Variants in TMEM131L observed in about 807,000 individuals in gnomAD.
The protein encoded by TMEM131L is transmembrane protein 131-like.
A neutral mutation model predicts 192.2 loss-of-function variants in TMEM131L; 54 were observed. The observed-to-expected ratio is 0.28, with a 90% confidence interval of 0.23 to 0.35. The LOEUF (loss-of-function observed/expected upper bound fraction) is 0.35, where lower values mean the gene tolerates loss of function less well. TMEM131L is among the 10% of genes least tolerant of loss of function. TMEM131L has a pLI of 1.00. For missense variants in TMEM131L, 1,888 were observed against 1,972.9 expected (o/e 0.96, Z 0.82); for synonymous variants, 701 against 704.9 (o/e 0.99, Z 0.09).
At chr4:153,545,445 GC>G (rs1737104821) in intron 3 of TMEM131L, among the ~76,000 whole-genome samples, 1 of 151,922 alleles carries the variant, frequency 6.6e-6, no homozygotes, top group African/African-American at 2.4e-5. Flanking sequence ...CCGCCACCAT[GC>G]CTGACTAATT....
At chr4:153,603,740 G>A in intron 24 of TMEM131L, 62 bp from the exon 25 acceptor site, 1 of 1,489,920 alleles carries the variant, frequency 6.7e-7, no homozygotes, top group Non-Finnish European at 9.0e-7. Flanking sequence ...GGATATGGAA[G>A]CAGACAAGTA....
At chr4:153,621,026 C>T in intron 27 of TMEM131L, 146 bp downstream of exon 27, 1 of 578,042 alleles carries the variant, frequency 1.7e-6, no homozygotes, top group Non-Finnish European at 3.0e-6. Context: ...GATTAAAATA[C>T]ATTTGTAAAA....
intron 26 of TMEM131L, among the ~76,000 whole-genome samples, chr4:153,618,828 G>T (rs1407197109): frequency 1.3e-5 from 2 of 152,110 alleles, no homozygotes; most frequent in Non-Finnish European, 2.9e-5. Flanking sequence ...CGGATTTCTT[G>T]ACAAGTCTGT....
At position 153,596,148 on chromosome 4, in the gene TMEM131L, A is replaced by C. The variant is rs1415506808; in HGVS notation, c.1996-110A>C. On this transcript the variant is annotated intron_variant, in intron 19 of 34. Coordinates refer to ENST00000409959, the MANE Select transcript of TMEM131L (RefSeq NM_001131007.2). ...TCTAACAGGTTGATTAGGAGGATCA[A>C]ATCTGGACATTAAAAGAGAAGCAAT... 4 of 1,302,094 alleles carry C rather than the reference A, an allele frequency of 3.1e-6. No individual in the cohort carries two copies. In the African/African-American group the frequency reaches 5.9e-5, roughly 19 times the overall value. 80.7% of individuals were successfully genotyped at this position (1,302,094 alleles called of 1,614,324 possible).
chr4:153,603,398 C>T lies in TMEM131L; in HGVS notation c.2735C>T (p.Ser912Phe). The change falls in exon 24 of 35, where the codon TCC becomes TTC. Residue 912 changes from serine (S) to phenylalanine (F), a missense_variant. Physicochemically the swap from Ser to Phe is radical, Grantham distance 155 (BLOSUM62 -2). Coordinates refer to ENST00000409959, the MANE Select transcript of TMEM131L (RefSeq NM_001131007.2). ...MKTRQRQNAS[S>F]SSQQNNGPMD... is the part of the protein sequence containing the mutation. ...ACAAGACAGAGGCAAAATGCTAGCT[C>T]CTCTTCACAGCAAAACAATGGTCCT... is the stretch of plus-strand genomic sequence containing the variant. 6.2e-7 allele frequency: 1 copy of T among 1,614,068 alleles called. No individual in the cohort carries two copies. The highest frequency in any genetic ancestry group is 8.5e-7 in the Non-Finnish European group (1 of 1,179,958).
At chr4:153,482,948 T>G (rs890295137) in intron 3 of TMEM131L, among the ~76,000 whole-genome samples, 1 of 152,174 alleles carries the variant, frequency 6.6e-6, no homozygotes, top group East Asian at 1.9e-4. Context: ...CCAGGGTGAT[T>G]AGGTTCGTAT....
chr4:153,514,966 C>G (rs1471091229), intron 3 of TMEM131L, among the ~76,000 whole-genome samples: 1 of 152,116 alleles, frequency 6.6e-6, no homozygotes, highest in Non-Finnish European at 1.5e-5. Context: ...CGCCTGCCAC[C>G]ACACTCGGCT....
At chr4:153,532,718 G>A (rs746504679) in intron 3 of TMEM131L, among the ~76,000 whole-genome samples, 7 of 151,586 alleles carry the variant, frequency 4.6e-5, no homozygotes, top group African/African-American at 1.2e-4. Flanking sequence ...ACTGTTTCTC[G>A]GAAAGCATTT....
chr4:153,603,703 C>G (rs1732007682), intron 24 of TMEM131L, 99 bp from the exon 25 acceptor site: 3 of 1,313,554 alleles, frequency 2.3e-6, no homozygotes, highest in Non-Finnish European at 3.1e-6. Context: ...AACTTACACT[C>G]AGTACTGATT....
chr4:153,587,287 T>C (rs143995761), intron 14 of TMEM131L, among the ~76,000 whole-genome samples: 36 of 152,180 alleles, frequency 2.4e-4, no homozygotes, highest in African/African-American at 8.7e-4. Context: ...CTAGGAGTTG[T>C]TATAGATTGG....
At chr4:153,536,058 C>T (rs1378175473) in intron 3 of TMEM131L, among the ~76,000 whole-genome samples, 3 of 152,112 alleles carry the variant, frequency 2.0e-5, no homozygotes, top group Non-Finnish European at 2.9e-5. Flanking sequence ...TTTGCTTTTC[C>T]CTGCCTTCCT....
chr4:153,622,220 C>T (rs1021887127), intron 28 of TMEM131L, among the ~76,000 whole-genome samples: 2 of 152,182 alleles, frequency 1.3e-5, no homozygotes, highest in African/African-American at 2.4e-5. Context: ...CATGCTGCTG[C>T]CCCACCCAAG....
rs913565063 is a variant in TMEM131L at position 153,585,468 on chromosome 4, A to G, written c.1168A>G (p.Met390Val). ...GTCGTCTGTTCACAGGTATTTTAGA[A>G]TGGACTCTTCTGCAACCCAGTTTCA... is the stretch of plus-strand genomic sequence containing the variant. ...FSSVAQGYFR[M>V]DSSATQFHIE... The change falls in exon 13 of 35, where the codon ATG (methionine) becomes GTG (valine). Residue 390 changes from methionine (M) to valine (V), a missense_variant. Physicochemically the swap from Met to Val is conservative, Grantham distance 21. Transcript: ENST00000409959. 6.2e-7 allele frequency: 1 copy of G among 1,613,900 alleles called. No individual in the cohort carries two copies. The highest frequency in any genetic ancestry group is 8.5e-7 in the Non-Finnish European group (1 of 1,179,920).
Position 153,555,791 on chromosome 4 carries a change from C to T in TMEM131L, c.313C>T (p.Leu105=). The T allele has an allele frequency of 6.4e-7, 1 of 1,551,060 alleles. No homozygotes were observed. The highest frequency in any genetic ancestry group is 1.4e-5 in the African/African-American group (1 of 73,092). ...TCTCTTTGTTTCTCCTCCTAGGTTC[C>T]TGGGACATCCTGTAGCAAAGATTCT... ...PSVLDFGIQF[L]GHPVAKILHA... is the part of the protein sequence containing the mutation. Residue 105 remains leucine (L), a synonymous_variant, in exon 5 of 35, where the codon CTG becomes TTG. Coordinates refer to ENST00000409959, the MANE Select transcript of TMEM131L (RefSeq NM_001131007.2). The surrounding 1 kb of genome is among the most constrained non-coding windows in gnomAD (Gnocchi z 4.1).
intron 28 of TMEM131L, among the ~76,000 whole-genome samples, chr4:153,622,480 G>A (rs1453457107): frequency 6.6e-6 from 1 of 152,124 alleles, no homozygotes; most frequent in Middle Eastern, 3.2e-3. Context: ...TGTTGCTTTT[G>A]GTCTTACTGA....
chr4:153,495,617 A>G (rs961935671), intron 3 of TMEM131L, among the ~76,000 whole-genome samples: 1 of 152,200 alleles, frequency 6.6e-6, no homozygotes, highest in African/African-American at 2.4e-5. Flanking sequence ...CAGAGGAAGC[A>G]ATCAAATATG....
At chr4:153,542,211 T>A (rs1176614299) in intron 3 of TMEM131L, among the ~76,000 whole-genome samples, 1 of 151,904 alleles carries the variant, frequency 6.6e-6, no homozygotes, top group Non-Finnish European at 1.5e-5. Context: ...AATGACAGCA[T>A]GGAAGAGATA....
At chr4:153,475,631 A>G (rs915084407) in intron 3 of TMEM131L, among the ~76,000 whole-genome samples, 1 of 152,168 alleles carries the variant, frequency 6.6e-6, no homozygotes, top group Non-Finnish European at 1.5e-5. Context: ...GGCCCTCTGT[A>G]TCTGTGACTT....
At position 153,526,736 on chromosome 4, in the gene TMEM131L, C is replaced by CA. The variant is rs562115030; in HGVS notation, c.240-23324dup. Among the ~76,000 whole-genome samples the CA allele has an allele frequency of 5.9e-3, 676 of 115,250 alleles. 6 individuals carry two copies. The highest frequency in any genetic ancestry group is 0.037 in the Middle Eastern group (7 of 190). The allele number at this position is 115,250 out of a possible 152,430, so 75.6% of individuals were successfully genotyped here. On this transcript the variant is annotated intron_variant, in intron 3 of 34. Transcript: ENST00000409959. ...TGGGTGACAGAGCAAGACTCTGTCT[C>CA]AAAAAAAAAAAAAGGAAGCTTGCTG...
Sources: allele counts gnomAD v4.1 joint callset (sites outside exome capture counted in the v4.1 genomes callset), GRCh38; gene constraint gnomAD v4.1.1; non-coding constraint Gnocchi (gnomAD v3.1); transcripts MANE v1.5; gene names NCBI Gene and HGNC (gene_info 2026-07-23, HGNC 2026-07-21).